HES7: variants seen among roughly 807,000 people sequenced by gnomAD.
The protein encoded by HES7 is hes family bHLH transcription factor 7.
A neutral mutation model predicts 18.0 loss-of-function variants in HES7; 8 were observed. The ratio of observed to expected loss-of-function variants is 0.45; its 90% CI spans 0.26 to 0.80. HES7 has a LOEUF of 0.80. HES7 is among the 30% of genes least tolerant of loss of function. The probability of loss-of-function intolerance (pLI) is 0.18; values close to 1 mark genes in which losing one functional copy is unlikely to be tolerated. For synonymous variants in HES7, 170 were observed against 158.6 expected (o/e 1.07, Z -0.54); for missense variants, 356 against 340.9 (o/e 1.04, Z -0.35).
chr17:8,125,060 G>A (rs1408958451), upstream of HES7, among the ~76,000 whole-genome samples: 1 of 152,070 alleles, frequency 6.6e-6, no homozygotes, highest in Non-Finnish European at 1.5e-5. Context: ...GGGAAAGCAA[G>A]GGGTACAAAA....
chr17:8,126,048 T>C (rs1981596903), upstream of HES7, among the ~76,000 whole-genome samples: 2 of 123,500 alleles, frequency 1.6e-5, no homozygotes, highest in Non-Finnish European at 1.7e-5. Context: ...GGCCCGCACC[T>C]CCGCAGGCGT....
rs112675209 is a variant in HES7 at position 8,120,836 on chromosome 17, C to G, written c.*735G>C. Reference sequence around the variant, plus strand: ...TCCAAACCGCGCCCTCCTGGCATGTCCCGCCCAAGTCCCTTAGCCCCGCTC... The same window carrying G: ...TCCAAACCGCGCCCTCCTGGCATGTGCCGCCCAAGTCCCTTAGCCCCGCTC... On this transcript the variant is annotated 3_prime_UTR_variant, in exon 4 of 4. Transcript: ENST00000541682. 1 of 152,736 alleles carries G rather than the reference C, an allele frequency of 6.5e-6. No homozygotes were observed. Among genetic ancestry groups the G allele is most frequent in the Non-Finnish European group, 1.5e-5 (1 of 68,128 alleles). 9.5% of individuals were successfully genotyped at this position (152,736 alleles called of 1,614,324 possible).
chr17:8,125,351 A>T (rs896220269), upstream of HES7, among the ~76,000 whole-genome samples: 10 of 152,152 alleles, frequency 6.6e-5, no homozygotes, highest in African/African-American at 2.2e-4. Flanking sequence ...CCGAGCCGGG[A>T]GAGGCACAGA....
At chr17:8,124,995 G>T (rs1981539643), upstream of HES7, among the ~76,000 whole-genome samples, 1 of 152,144 alleles carries the variant, frequency 6.6e-6, no homozygotes, top group Non-Finnish European at 1.5e-5. Flanking sequence ...CGCATTGCTT[G>T]CTTCTGGAGG....
chr17:8,121,755 T>C lies in HES7; in HGVS notation c.509A>G (p.His170Arg). The C allele has an allele frequency of 6.7e-7, 1 of 1,491,402 alleles. No individual in the cohort carries two copies. The allele number at this position is 1,491,402 out of a possible 1,614,324, so 92.4% of individuals were successfully genotyped here. A position where few individuals can be genotyped will look rare whatever the true frequency, so the allele number is the denominator to read the frequency against. Residue 170 changes from histidine (H) to arginine (R), a missense_variant, in exon 4 of 4, where the codon CAC becomes CGC. Transcript: ENST00000541682. ...GPALHQRPPV[H>R]QGHPSPRCAW... ...GCAGCGCGGGCTAGGGTGGCCCTGGTGCACTGGGGGGCGCTGGTGCAGCGC... is the reference window on the plus strand; with the variant it reads ...GCAGCGCGGGCTAGGGTGGCCCTGGCGCACTGGGGGGCGCTGGTGCAGCGC...
chr17:8,122,316 C>CAA lies in HES7; in HGVS notation c.226+26_226+27insTT. The CAA allele has an allele frequency of 6.5e-7, 1 of 1,529,178 alleles. No homozygotes were observed. Among genetic ancestry groups the CAA allele is most frequent in the Non-Finnish European group, 8.9e-7 (1 of 1,124,464 alleles). 94.7% of individuals were successfully genotyped at this position (1,529,178 alleles called of 1,614,324 possible). A position where few individuals can be genotyped will look rare whatever the true frequency, so the allele number is the denominator to read the frequency against. On this transcript the variant is annotated intron_variant, in intron 3 of 3. Transcript: ENST00000541682. This position sits in a 1 kb window ranked among gnomAD's most constrained non-coding sequence, Gnocchi z 6.9. ...GCCTCCTGGCGTCCCCCCTCCCTCCCTCCGCTGCCCCACCCCCGCGCTGTA... is the reference window on the plus strand; with the variant it reads ...GCCTCCTGGCGTCCCCCCTCCCTCCCAATCCGCTGCCCCACCCCCGCGCTGTA...
Position 8,123,243 on chromosome 17 carries a change from G to C in HES7, c.43-117C>G, listed in dbSNP as rs1021852812. The C allele has an allele frequency of 2.6e-6, 2 of 774,330 alleles. No homozygotes were observed. The highest frequency in any genetic ancestry group is 5.4e-5 in the East Asian group (2 of 37,368). 48.0% of individuals were successfully genotyped at this position (774,330 alleles called of 1,614,324 possible). On this transcript the variant is annotated intron_variant, in intron 1 of 3. Coordinates refer to ENST00000541682, the MANE Select transcript of HES7 (RefSeq NM_001165967.2). This position sits in a 1 kb window ranked among gnomAD's most constrained non-coding sequence, Gnocchi z 5.9. ...CTTCCACCCCGGCCACAAGACCCCAGATTGCCTAGGGCCGGCCCCATTCGA... is the reference window on the plus strand; with the variant it reads ...CTTCCACCCCGGCCACAAGACCCCACATTGCCTAGGGCCGGCCCCATTCGA...
rs1300647511 is a variant in HES7 at position 8,122,040 on chromosome 17, G to A, written c.227-3C>T. 2 of 1,500,378 alleles carry A rather than the reference G, an allele frequency of 1.3e-6. No homozygotes were observed. Among genetic ancestry groups the A allele is most frequent in the African/African-American group, 2.9e-5 (2 of 69,222 alleles). The allele number at this position is 1,500,378 out of a possible 1,614,324, so 92.9% of individuals were successfully genotyped here. A position where few individuals can be genotyped will look rare whatever the true frequency, so the allele number is the denominator to read the frequency against. ...GGGAACCCCTGGAGCCGCGGCGGCT[G>A]GTGCGGCCGGCGGGAGCACAGGTGG... On this transcript the variant is annotated splice_polypyrimidine_tract_variant and splice_region_variant and intron_variant, in intron 3 of 3. Coordinates refer to ENST00000541682, the MANE Select transcript of HES7 (RefSeq NM_001165967.2). The surrounding 1 kb of genome is among the most constrained non-coding windows in gnomAD (Gnocchi z 6.9).
upstream of HES7, among the ~76,000 whole-genome samples, chr17:8,125,853 A>G (rs527545252): frequency 3.3e-5 from 5 of 152,364 alleles, no homozygotes; most frequent in South Asian, 1.0e-3. Context: ...CAAAAAAAGG[A>G]TAATATATTT....
Position 8,122,308 on chromosome 17 carries a change from C to G in HES7, c.226+35G>C. The G allele has an allele frequency of 6.9e-7, 1 of 1,449,312 alleles. No individual in the cohort carries two copies. 89.8% of individuals were successfully genotyped at this position (1,449,312 alleles called of 1,614,324 possible). A position where few individuals can be genotyped will look rare whatever the true frequency, so the allele number is the denominator to read the frequency against. On this transcript the variant is annotated intron_variant, in intron 3 of 3. Transcript: ENST00000541682. The surrounding 1 kb of genome is among the most constrained non-coding windows in gnomAD (Gnocchi z 6.9). Reference sequence around the variant, plus strand: ...CGGCCGGAGCCTCCTGGCGTCCCCCCTCCCTCCCTCCGCTGCCCCACCCCC... The same window carrying G: ...CGGCCGGAGCCTCCTGGCGTCCCCCGTCCCTCCCTCCGCTGCCCCACCCCC...
Position 8,121,875 on chromosome 17 carries a change from T to G in HES7, c.389A>C (p.Tyr130Ser). Reference sequence around the variant, plus strand: ...GGGCCGGGGCGGTTTGGGGCGCAGATAGCCGTGCAGCGCGGAGAAGAGCTG... The same window carrying G: ...GGGCCGGGGCGGTTTGGGGCGCAGAGAGCCGTGCAGCGCGGAGAAGAGCTG... ...RAQLFSALHG[Y>S]LRPKPPRPKP... The change falls in exon 4 of 4, where the codon TAT becomes TCT. Residue 130 changes from tyrosine to serine, a missense_variant. Tyr to Ser is a moderately radical substitution (Grantham distance 144). Transcript: ENST00000541682. 2 of 1,571,670 alleles carry G rather than the reference T, an allele frequency of 1.3e-6. No individual in the cohort carries two copies. Among genetic ancestry groups the G allele is most frequent in the Admixed American group, 3.5e-5 (2 of 57,792 alleles).
upstream of HES7, among the ~76,000 whole-genome samples, chr17:8,124,278 A>G (rs1022856577): frequency 6.6e-6 from 1 of 152,052 alleles, no homozygotes; most frequent in African/African-American, 2.4e-5. Context: ...CTGGCCTGGG[A>G]GTGCGGGAAG....
At chr17:8,125,811 A>T (rs945368885), upstream of HES7, among the ~76,000 whole-genome samples, 1 of 152,226 alleles carries the variant, frequency 6.6e-6, no homozygotes, top group African/African-American at 2.4e-5. Context: ...ATTCCCGGCC[A>T]ATGCACGAGT....
chr17:8,126,215 G>A (rs2151855598), upstream of HES7, among the ~76,000 whole-genome samples: 1 of 152,262 alleles, frequency 6.6e-6, no homozygotes. Flanking sequence ...TAAGTCTATG[G>A]GTCTATGCCT....
At position 8,123,081 on chromosome 17, in the gene HES7, G is replaced by T. The variant is rs368880766; in HGVS notation, c.88C>A (p.Arg30Ser). 81 of 1,607,370 alleles carry T rather than the reference G, an allele frequency of 5.0e-5. No homozygotes were observed. The highest frequency in any genetic ancestry group is 6.8e-5 in the Non-Finnish European group (80 of 1,177,334). ...VEKRRRDRIN[R>S]SLEELRLLLL... ...AGCAGCCTCAGCTCTTCCAGGCTGC[G>T]GTTGATGCGGTCCCGGCGCCGCTTC... The change falls in exon 2 of 4, where the codon CGC becomes AGC. Residue 30 changes from arginine (R) to serine (S), a missense_variant. Coordinates refer to ENST00000541682, the MANE Select transcript of HES7 (RefSeq NM_001165967.2). This position sits in a 1 kb window ranked among gnomAD's most constrained non-coding sequence, Gnocchi z 5.9.
chr17:8,126,449 C>T (rs375803601), upstream of HES7, among the ~76,000 whole-genome samples: 6 of 152,342 alleles, frequency 3.9e-5, no homozygotes, highest in South Asian at 8.3e-4. Context: ...CTCTCCGAGT[C>T]TCTGTCGCCT....
rs970148595 is a variant in HES7, at chr17:8,121,055, G to A, written c.*516C>T. 6.7e-6 allele frequency: 1 copy of A among 148,846 alleles called. No homozygotes were observed. Among genetic ancestry groups the A allele is most frequent in the Non-Finnish European group, 1.5e-5 (1 of 67,274 alleles). The allele number at this position is 148,846 out of a possible 1,614,324, so 9.2% of individuals were successfully genotyped here. On this transcript the variant is annotated 3_prime_UTR_variant, in exon 4 of 4. Transcript: ENST00000541682. Reference sequence around the variant, plus strand: ...CCTTTTTATCCGTTTTTTTCTTAAAGGCCCCCATCCCTTCTCCCCCTACCC... The same window carrying A: ...CCTTTTTATCCGTTTTTTTCTTAAAAGCCCCCATCCCTTCTCCCCCTACCC...
At chr17:8,125,935 CAG>C, upstream of HES7, among the ~76,000 whole-genome samples, 1 of 152,328 alleles carries the variant, frequency 6.6e-6, no homozygotes, top group Non-Finnish European at 1.5e-5. Context: ...TTGACTATAG[CAG>C]AGTTTGCAGC....
chr17:8,124,723 C>T (rs1981530785), upstream of HES7, among the ~76,000 whole-genome samples: 2 of 152,188 alleles, frequency 1.3e-5, no homozygotes, highest in Non-Finnish European at 2.9e-5. Flanking sequence ...AGGAGAGACC[C>T]AGCTTATCCC....
Sources: allele counts gnomAD v4.1 joint callset (sites outside exome capture counted in the v4.1 genomes callset), GRCh38; gene constraint gnomAD v4.1.1; non-coding constraint Gnocchi (gnomAD v3.1); transcripts MANE v1.5; gene names NCBI Gene and HGNC (gene_info 2026-07-23, HGNC 2026-07-21).